Variants in ENPP1 observed in about 807,000 individuals in gnomAD.
The protein encoded by ENPP1 is ectonucleotide pyrophosphatase/phosphodiesterase family member 1.
In ENPP1, 73 loss-of-function variants were observed where a neutral mutation model predicts 122.8. The ratio of observed to expected loss-of-function variants is 0.59; its 90% CI spans 0.49 to 0.72. The LOEUF (loss-of-function observed/expected upper bound fraction) is 0.72. Ranked by LOEUF, ENPP1 falls within the 30% of genes least tolerant of loss-of-function variation. The probability of loss-of-function intolerance (pLI) is 0.00; values close to 1 mark genes in which losing one functional copy is unlikely to be tolerated. For synonymous variants in ENPP1, 367 were observed against 391.6 expected (o/e 0.94, Z 0.74); for missense variants, 978 against 1,128.1 (o/e 0.87, Z 1.91).
intron 1 of ENPP1, among the ~76,000 whole-genome samples, chr6:131,819,284 A>T (rs1417832577): frequency 3.9e-5 from 6 of 152,224 alleles, no homozygotes; most frequent in Admixed American, 3.9e-4. Context: ...TTCCATTTTT[A>T]TGCCATAATT....
In ENPP1 at chr6:131,895,072, AAGAG is replaced by A. The variant is rs377651046; in HGVS notation, c.*4569_*4572del. 139 of 152,330 alleles carry A rather than the reference AAGAG, an allele frequency of 9.1e-4. 1 individual carries two copies. The highest frequency in any genetic ancestry group is 3.1e-3 in the African/African-American group (130 of 41,578). 9.4% of individuals were successfully genotyped at this position (152,330 alleles called of 1,614,324 possible). A position where few individuals can be genotyped will look rare whatever the true frequency, so the allele number is the denominator to read the frequency against. ...GGTTTTTGGCCAGTCTAAATATTGT[AAGAG>A]AGAGAGAAGAAAAGTGTACGGAATA... On this transcript the variant is annotated 3_prime_UTR_variant, in exon 25 of 25. Transcript: ENST00000647893.
In ENPP1 at chr6:131,873,134, G is replaced by C. The variant is rs558173984; in HGVS notation, c.1565+84G>C. The C allele has an allele frequency of 9.1e-5, 131 of 1,434,100 alleles. No individual in the cohort carries two copies. In the African/African-American group the frequency reaches 1.6e-3, roughly 17 times the overall value. The allele number at this position is 1,434,100 out of a possible 1,614,324, so 88.8% of individuals were successfully genotyped here. ...CCATTGGGCCCTTTCTAACAATATT[G>C]TTATGTGAAAACTGTATAAGTATGA... is the stretch of plus-strand genomic sequence containing the variant. On this transcript the variant is annotated intron_variant, in intron 15 of 24. Transcript: ENST00000647893.
At chr6:131,871,468 A>G (rs1782161410) in intron 13 of ENPP1, among the ~76,000 whole-genome samples, 1 of 152,220 alleles carries the variant, frequency 6.6e-6, no homozygotes, top group African/African-American at 2.4e-5. Flanking sequence ...GAAGTATACA[A>G]AGTAAAAAGA....
At chr6:131,857,459 C>A (rs201389902) in intron 6 of ENPP1, among the ~76,000 whole-genome samples, 1 of 149,834 alleles carries the variant, frequency 6.7e-6, no homozygotes, top group Non-Finnish European at 1.5e-5. Flanking sequence ...ACCATGGAAT[C>A]CTATGCAGCC....
At chr6:131,828,623 T>G (rs1292525339) in intron 1 of ENPP1, among the ~76,000 whole-genome samples, 1 of 152,194 alleles carries the variant, frequency 6.6e-6, no homozygotes, top group African/African-American at 2.4e-5. Flanking sequence ...CAATGATGGA[T>G]GAGGCTAATG....
chr6:131,827,545 G>A, intron 1 of ENPP1: 1 of 608,194 alleles, frequency 1.6e-6, no homozygotes, highest in South Asian at 1.8e-5. Flanking sequence ...AAGCCTACAT[G>A]TCAACTGAAC....
At chr6:131,854,193 C>A (rs777822657) in intron 5 of ENPP1, among the ~76,000 whole-genome samples, 1 of 151,948 alleles carries the variant, frequency 6.6e-6, no homozygotes, top group Non-Finnish European at 1.5e-5. Context: ...TTGCTTGAGC[C>A]TAGGAGTTCG....
chr6:131,869,076 G>T (rs1782125512), intron 12 of ENPP1, among the ~76,000 whole-genome samples: 1 of 152,100 alleles, frequency 6.6e-6, no homozygotes, highest in Non-Finnish European at 1.5e-5. Context: ...TTCACATTCG[G>T]TCTAAAAATG....
At chr6:131,838,813 G>T (rs1781707008) in intron 1 of ENPP1, among the ~76,000 whole-genome samples, 1 of 152,070 alleles carries the variant, frequency 6.6e-6, no homozygotes, top group Admixed American at 6.5e-5. Context: ...GGCATTGAAA[G>T]TATAACAAAG....
At chr6:131,836,823 T>G (rs1781680445) in intron 1 of ENPP1, among the ~76,000 whole-genome samples, 2 of 152,206 alleles carry the variant, frequency 1.3e-5, no homozygotes, top group Admixed American at 1.3e-4. Flanking sequence ...TCCTTTTATG[T>G]TTATGGAAAG....
intron 18 of ENPP1, 71 bp downstream of exon 18, chr6:131,877,232 A>C (rs556163371): frequency 1.4e-6 from 2 of 1,419,496 alleles, no homozygotes; most frequent in African/African-American, 2.8e-5. Flanking sequence ...ATGTGCTGTA[A>C]AAATACTTAA....
rs763803049 is a variant in ENPP1 at position 131,894,995 on chromosome 6, A to G, written c.*4484A>G. The G allele has an allele frequency of 2.0e-5, 3 of 152,284 alleles. No individual in the cohort carries two copies. The highest frequency in any genetic ancestry group is 7.2e-5 in the African/African-American group (3 of 41,472). The allele number at this position is 152,284 out of a possible 1,614,324, so 9.4% of individuals were successfully genotyped here. A position where few individuals can be genotyped will look rare whatever the true frequency, so the allele number is the denominator to read the frequency against. ...TGAAGCTTTTCACATGAGTGCTTTC[A>G]TAAGCATTAAGTAAAATTTTATAAT... On this transcript the variant is annotated 3_prime_UTR_variant, in exon 25 of 25. Transcript: ENST00000647893.
At chr6:131,828,465 C>T (rs1781573286) in intron 1 of ENPP1, 2 of 256,176 alleles carry the variant, frequency 7.8e-6, no homozygotes, top group South Asian at 1.1e-4. Context: ...TTAAATAAAT[C>T]AGAAATGCTT....
intron 19 of ENPP1, 46 bp from the exon 20 acceptor site, chr6:131,879,834 C>CATAT: frequency 6.6e-7 from 1 of 1,520,886 alleles, no homozygotes; most frequent in Non-Finnish European, 9.1e-7. Context: ...TATATATTAT[C>CATAT]ATATAATGCA....
intron 13 of ENPP1, among the ~76,000 whole-genome samples, chr6:131,870,107 TA>T (rs142875093): frequency 0.035 from 5,274 of 152,230 alleles, 182 homozygotes; most frequent in African/African-American, 0.084. Context: ...ATAAAGATTA[TA>T]CTAGAAAAAA....
intron 23 of ENPP1, among the ~76,000 whole-genome samples, chr6:131,886,046 G>A (rs1782373287): frequency 1.3e-5 from 2 of 152,150 alleles, no homozygotes; most frequent in Admixed American, 6.6e-5. Context: ...AGATGTTTGG[G>A]ACATCTTTGA....
intron 13 of ENPP1, among the ~76,000 whole-genome samples, chr6:131,870,070 A>C (rs1439403475): frequency 6.6e-6 from 1 of 152,080 alleles, no homozygotes; most frequent in African/African-American, 2.4e-5. Flanking sequence ...TTTTATGTTG[A>C]AGTGTGTGTT....
At chr6:131,811,962 G>A (rs570061559) in intron 1 of ENPP1, among the ~76,000 whole-genome samples, 266 of 152,276 alleles carry the variant, frequency 1.7e-3, no homozygotes, top group Non-Finnish European at 2.3e-3. Flanking sequence ...ATGGGCAGAA[G>A]TACTATCACT....
intron 21 of ENPP1, 98 bp downstream of exon 21, chr6:131,882,572 CTA>C: frequency 3.1e-6 from 1 of 318,174 alleles, no homozygotes; most frequent in Non-Finnish European, 5.6e-6. Flanking sequence ...TATATATTAC[CTA>C]TTATATATAT....
Sources: allele counts gnomAD v4.1 joint callset (sites outside exome capture counted in the v4.1 genomes callset), GRCh38; gene constraint gnomAD v4.1.1; transcripts MANE v1.5; gene names NCBI Gene and HGNC (gene_info 2026-07-23, HGNC 2026-07-21).